PAGE2B: variants seen among roughly 807,000 people sequenced by gnomAD.
PAGE2B encodes PAGE family member 2B, also known as putative G antigen family E member 3.
In PAGE2B, 5 loss-of-function variants were observed where a neutral mutation model predicts 7.6. The observed-to-expected ratio is 0.66, with a 90% confidence interval of 0.34 to 1.38. The LOEUF is 1.38. Among genes scored for constraint, PAGE2B ranks in the 40% most tolerant of loss-of-function variants. PAGE2B has a pLI of 0.04. For synonymous variants in PAGE2B, 29 were observed against 26.7 expected, an observed-to-expected ratio of 1.09 and a Z score of -0.27; for missense variants, 70 against 78.4, an observed-to-expected ratio of 0.89 and a Z score of 0.41.
rs1380620756 is a variant in PAGE2B, at chrX:55,075,492, T to G, written c.-9+378T>G. On this transcript the variant is annotated intron_variant, in intron 1 of 4. Transcript: ENST00000374971. The stretch of plus-strand genomic sequence containing the variant: ...GTCAGTAAGGAAGGGGCCTGGGAAC[T>G]GGGAACGCTGTGGGCCGGTGACTGT... 3.6e-5 allele frequency among the ~76,000 whole-genome samples: 4 copies of G among 110,835 alleles called. No homozygotes were observed. The Admixed American group carries it at 3.8e-4, about 11-fold the overall frequency.
the PAGE2B span, among the ~76,000 whole-genome samples, chrX:55,062,690 A>G: frequency 8.9e-6 from 1 of 111,980 alleles, no homozygotes; most frequent in South Asian, 3.7e-4. Context: ...AGTGTCCTAG[A>G]GAGGTTCCCC....
At chrX:55,075,914 A>T (rs1936505764) in intron 1 of PAGE2B, 120 bp from the exon 2 acceptor site, 9 of 722,906 alleles carry the variant, frequency 1.2e-5, no homozygotes, top group Non-Finnish European at 1.8e-5. Context: ...ATGCTCTGTG[A>T]ATTACGTTGA....
chrX:55,032,418 T>C, the PAGE2B span, among the ~76,000 whole-genome samples: 127 of 111,930 alleles, frequency 1.1e-3, 1 homozygote, highest in Middle Eastern at 4.6e-3. Flanking sequence ...TCTTTTCATG[T>C]TTCTTTATCA....
the PAGE2B span, among the ~76,000 whole-genome samples, chrX:55,029,324 C>A: frequency 9.0e-6 from 1 of 111,521 alleles, no homozygotes; most frequent in South Asian, 3.8e-4. Flanking sequence ...CCGCCTAGTT[C>A]TGATAGTCAA....
chrX:55,069,538 C>G, the PAGE2B span, among the ~76,000 whole-genome samples: 5 of 110,405 alleles, frequency 4.5e-5, no homozygotes, highest in East Asian at 8.5e-4. Flanking sequence ...GCTTTGGTAT[C>G]AGGATGATGC....
At chrX:55,037,139 T>C in the PAGE2B span, among the ~76,000 whole-genome samples, 1 of 111,589 alleles carries the variant, frequency 9.0e-6, no homozygotes, top group Non-Finnish European at 1.9e-5. Context: ...AGAAAATTTT[T>C]GCAATCTACT....
the PAGE2B span, among the ~76,000 whole-genome samples, chrX:55,061,356 A>G: frequency 2.7e-5 from 3 of 111,039 alleles, no homozygotes; most frequent in Non-Finnish European, 5.7e-5. Context: ...TAATCAGCAT[A>G]GTACCTGATA....
chrX:55,054,429 T>G, the PAGE2B span, among the ~76,000 whole-genome samples: 1 of 112,355 alleles, frequency 8.9e-6, no homozygotes, highest in Non-Finnish European at 1.9e-5. Context: ...AGCATTAAAA[T>G]GTAAAGTATC....
the PAGE2B span, among the ~76,000 whole-genome samples, chrX:55,065,245 A>T: frequency 9.0e-6 from 1 of 111,613 alleles, no homozygotes; most frequent in African/African-American, 3.3e-5. Flanking sequence ...TTGGGTGCAT[A>T]TATATTTATA....
At chrX:55,075,302 G>A (rs1044023339) in intron 1 of PAGE2B, among the ~76,000 whole-genome samples, 188 bp downstream of exon 1, 8 of 111,288 alleles carry the variant, frequency 7.2e-5, no homozygotes, top group African/African-American at 2.6e-4. Flanking sequence ...GGGCTGGGAC[G>A]AGGGACGAGG....
the PAGE2B span, chrX:55,031,052 C>T: frequency 6.2e-6 from 2 of 322,880 alleles, no homozygotes; most frequent in Non-Finnish European, 1.2e-5. Flanking sequence ...TTCTGCCGGC[C>T]TGGCCCTGCA....
At chrX:55,077,345 T>G in intron 3 of PAGE2B, 54 bp from the exon 4 acceptor site, 1 of 1,199,165 alleles carries the variant, frequency 8.3e-7, no homozygotes, top group Non-Finnish European at 1.1e-6. Flanking sequence ...TATCATTTCC[T>G]TGTTCATAGT....
chrX:55,063,032 T>C, the PAGE2B span, among the ~76,000 whole-genome samples: 4 of 111,597 alleles, frequency 3.6e-5, no homozygotes, highest in Admixed American at 9.6e-5. Flanking sequence ...AGTCAGGTAA[T>C]ATGATTCTTC....
chrX:55,043,512 G>A, the PAGE2B span, among the ~76,000 whole-genome samples: 4 of 110,331 alleles, frequency 3.6e-5, no homozygotes, highest in Non-Finnish European at 5.7e-5. Flanking sequence ...AATCCCATCC[G>A]AAAGTATTGT....
At chrX:55,060,503 C>T in the PAGE2B span, among the ~76,000 whole-genome samples, 1 of 111,370 alleles carries the variant, frequency 9.0e-6, no homozygotes, top group Non-Finnish European at 1.9e-5. Context: ...GTCTGATTTC[C>T]TTATATATTT....
At chrX:55,063,324 T>C in the PAGE2B span, among the ~76,000 whole-genome samples, 41 of 111,796 alleles carry the variant, frequency 3.7e-4, no homozygotes, top group African/African-American at 1.3e-3. Context: ...ATTTTGTGTA[T>C]ATTGTAAATG....
intron 3 of PAGE2B, among the ~76,000 whole-genome samples, chrX:55,077,160 T>C (rs781677827): frequency 1.8e-5 from 2 of 112,201 alleles, no homozygotes; most frequent in East Asian, 5.6e-4. Context: ...GCTGATTTAA[T>C]GTGATAAGAA....
At chrX:55,033,983 G>A in the PAGE2B span, among the ~76,000 whole-genome samples, 5 of 112,145 alleles carry the variant, frequency 4.5e-5, no homozygotes, top group Non-Finnish European at 9.4e-5. Context: ...TCGACCAAAG[G>A]ATATGGATCT....
the PAGE2B span, among the ~76,000 whole-genome samples, chrX:55,059,667 T>A: frequency 9.0e-6 from 1 of 111,209 alleles, no homozygotes; most frequent in Non-Finnish European, 1.9e-5. Context: ...ATATGATACA[T>A]TATAATTTGC....
Sources: gnomAD v4.1 joint callset for allele counts (sites outside exome capture counted in the v4.1 genomes callset) on GRCh38, gnomAD v4.1.1 for gene constraint, MANE v1.5 for transcripts, NCBI Gene and HGNC (gene_info 2026-07-23, HGNC 2026-07-21) for gene names.